The following KAZN variants were observed in gnomAD, a reference collection of about 807,000 sequenced individuals.
The protein encoded by KAZN is kazrin, periplakin interacting protein, also known as kazrin.
A neutral mutation model predicts 87.4 loss-of-function variants in KAZN; 40 were observed. The ratio of observed to expected loss-of-function variants is 0.46; its 90% CI spans 0.36 to 0.60. The LOEUF (loss-of-function observed/expected upper bound fraction) is 0.60, where lower values mean the gene tolerates loss of function less well. Ranked by LOEUF, KAZN falls within the 20% of genes least tolerant of loss-of-function variation. The probability of loss-of-function intolerance (pLI) is 0.00; values close to 1 mark genes in which losing one functional copy is unlikely to be tolerated. For synonymous variants in KAZN, 466 were observed against 458.3 expected, an observed-to-expected ratio of 1.02 and a Z score of -0.22; for missense variants, 898 against 1,073.9, an observed-to-expected ratio of 0.84 and a Z score of 2.29.
At chr1:14,595,038 G>A (rs1265597997), upstream of KAZN, among the ~76,000 whole-genome samples, 6 of 152,116 alleles carry the variant, frequency 3.9e-5, no homozygotes, top group Middle Eastern at 3.4e-3. Flanking sequence ...CCAGCTACTC[G>A]GGAGGCTGAG....
intron 2 of KAZN, among the ~76,000 whole-genome samples, chr1:14,398,699 T>C (rs1371521503): frequency 6.6e-6 from 1 of 152,134 alleles, no homozygotes; most frequent in Non-Finnish European, 1.5e-5. Context: ...TTTTCTATCT[T>C]CTCTGAGAAA....
intron 1 of KAZN, among the ~76,000 whole-genome samples, chr1:14,132,665 A>C (rs184724317): frequency 0.015 from 2,311 of 152,272 alleles, 53 homozygotes; most frequent in African/African-American, 0.052. Flanking sequence ...GTTGAGCCAA[A>C]ACCTGCCTTC....
At chr1:14,200,609 A>G (rs1212521243) in intron 2 of KAZN, among the ~76,000 whole-genome samples, 1 of 152,230 alleles carries the variant, frequency 6.6e-6, no homozygotes, top group Non-Finnish European at 1.5e-5. Context: ...AGGCAAACAC[A>G]GAAAGCCTAC....
chr1:15,066,894 C>T lies in KAZN; in HGVS notation c.1222+1141C>T. 1.0e-6 allele frequency: 1 copy of T among 985,494 alleles called. No individual in the cohort carries two copies. Among genetic ancestry groups the T allele is most frequent in the Non-Finnish European group, 1.2e-6 (1 of 829,976 alleles). 61.0% of individuals were successfully genotyped at this position (985,494 alleles called of 1,614,324 possible). A position where few individuals can be genotyped will look rare whatever the true frequency, so the allele number is the denominator to read the frequency against. The stretch of plus-strand genomic sequence containing the variant: ...CTTCCCACCCAGAGCTCCCTCCAGG[C>T]CTTTCTCTATATATTTATTTATCTG... On this transcript the variant is annotated intron_variant, in intron 8 of 14. Transcript: ENST00000376030. This position sits in a 1 kb window ranked among gnomAD's most constrained non-coding sequence, Gnocchi z 4.3.
At chr1:14,175,888 C>A (rs920482927) in intron 1 of KAZN, among the ~76,000 whole-genome samples, 13 of 152,108 alleles carry the variant, frequency 8.5e-5, no homozygotes, top group Non-Finnish European at 1.2e-4. Context: ...ATAAATTGAG[C>A]AAAGATTTGT....
At chr1:14,054,108 T>A (rs897401158) in intron 1 of KAZN, among the ~76,000 whole-genome samples, 9 of 151,996 alleles carry the variant, frequency 5.9e-5, no homozygotes, top group Non-Finnish European at 8.8e-5. Flanking sequence ...AGTTTTTTTT[T>A]AATTGTCTAC....
chr1:15,054,695 G>T (rs372132069), intron 4 of KAZN, among the ~76,000 whole-genome samples: 78 of 152,064 alleles, frequency 5.1e-4, no homozygotes, highest in African/African-American at 1.8e-3. Context: ...ATATGCAGTA[G>T]CACATTTCTA....
At chr1:14,738,505 C>G (rs528271899) in intron 1 of KAZN, among the ~76,000 whole-genome samples, 1 of 152,150 alleles carries the variant, frequency 6.6e-6, no homozygotes, top group South Asian at 2.1e-4. Flanking sequence ...TCCAATTAAT[C>G]AGCAAATAAA....
intron 1 of KAZN, chr1:14,945,781 A>C (rs1161706106): frequency 1.6e-6 from 1 of 631,226 alleles, no homozygotes; most frequent in African/African-American, 2.0e-5. Flanking sequence ...GCCCCGCAGC[A>C]CTTTCAAGCT....
In KAZN at chr1:14,768,111, A is replaced by G. The variant is rs1572431777; in HGVS notation, c.226+168888A>G. ...GCAACAATTAGAAAGTCCAAGATCA[A>G]CTCTCACTACGGTATGAATTTCTTC... is the stretch of plus-strand genomic sequence containing the variant. On this transcript the variant is annotated intron_variant, in intron 1 of 14. Coordinates refer to ENST00000376030, the MANE Select transcript of KAZN (RefSeq NM_201628.3). Among the ~76,000 whole-genome samples, 4 of 152,298 alleles carry G rather than the reference A, an allele frequency of 2.6e-5. 1 individual carries two copies. The Middle Eastern group carries it at 0.014, about 518-fold the overall frequency.
intron 2 of KAZN, among the ~76,000 whole-genome samples, chr1:14,570,623 A>G (rs1674805995): frequency 6.6e-6 from 1 of 152,168 alleles, no homozygotes; most frequent in African/African-American, 2.4e-5. Context: ...TTATTTAACC[A>G]TTCATCAGTT....
chr1:14,538,004 C>A (rs1319655989), intron 2 of KAZN, among the ~76,000 whole-genome samples: 4 of 152,084 alleles, frequency 2.6e-5, no homozygotes, highest in Non-Finnish European at 5.9e-5. Flanking sequence ...TGGGTGGGGA[C>A]AAAGGTAGAT....
chr1:14,843,013 G>A (rs1469531915), intron 1 of KAZN, among the ~76,000 whole-genome samples: 4 of 152,140 alleles, frequency 2.6e-5, no homozygotes. Flanking sequence ...GATGTTCTGT[G>A]ATGGTGGATG....
intron 1 of KAZN, among the ~76,000 whole-genome samples, chr1:14,749,631 C>T (rs187661504): frequency 3.1e-4 from 47 of 152,276 alleles, no homozygotes; most frequent in African/African-American, 1.0e-3. Flanking sequence ...GAGGAGTATT[C>T]CCAGTAGGTT....
intron 1 of KAZN, among the ~76,000 whole-genome samples, chr1:13,914,251 G>A (rs369925056): frequency 7.9e-5 from 12 of 152,222 alleles, no homozygotes; most frequent in African/African-American, 2.7e-4. Flanking sequence ...CCCTCCTGCC[G>A]TGCCTCAGGC....
intron 2 of KAZN, among the ~76,000 whole-genome samples, chr1:14,270,940 C>A (rs953755223): frequency 1.3e-5 from 2 of 152,180 alleles, no homozygotes; most frequent in Non-Finnish European, 2.9e-5. Context: ...AAGCAAAGCA[C>A]CCTCATGGCG....
At chr1:14,830,667 G>A (rs1647026677) in intron 1 of KAZN, among the ~76,000 whole-genome samples, 1 of 152,168 alleles carries the variant, frequency 6.6e-6, no homozygotes, top group Admixed American at 6.5e-5. Context: ...GAGAAAGAGA[G>A]TGAAGGGGGA....
intron 2 of KAZN, among the ~76,000 whole-genome samples, chr1:14,255,134 AAAAAAAG>A (rs1442967063): frequency 7.4e-5 from 11 of 149,120 alleles, no homozygotes; most frequent in South Asian, 4.2e-4. Context: ...AAAAAAAAAA[AAAAAAAG>A]AAGAAGAAGA....
chr1:14,447,350 T>G (rs1319745210), intron 2 of KAZN, among the ~76,000 whole-genome samples: 1 of 151,628 alleles, frequency 6.6e-6, no homozygotes, highest in Non-Finnish European at 1.5e-5. Flanking sequence ...ACCATTCTCC[T>G]GCCTCAGCCT....
Sources: allele counts gnomAD v4.1 joint callset (sites outside exome capture counted in the v4.1 genomes callset), GRCh38; gene constraint gnomAD v4.1.1; non-coding constraint Gnocchi (gnomAD v3.1); transcripts MANE v1.5; gene names NCBI Gene and HGNC (gene_info 2026-07-23, HGNC 2026-07-21).